PUM1: variants seen among roughly 807,000 people sequenced by gnomAD.
PUM1 encodes the protein pumilio RNA binding family member 1, also known as pumilio homolog 1.
In PUM1, 13 loss-of-function variants were observed where a neutral mutation model predicts 131.8. That is an observed-to-expected ratio of 0.10 (90% CI 0.06 to 0.16). PUM1 has a LOEUF of 0.16. Ranked by LOEUF, PUM1 falls within the 10% of genes least tolerant of loss-of-function variation. PUM1 has a pLI of 1.00. For missense variants in PUM1, 961 were observed against 1,512.4 expected (o/e 0.64, Z 6.05); for synonymous variants, 509 against 556.5 (o/e 0.91, Z 1.20).
chr1:30,941,740 T>C (rs954044139), intron 19 of PUM1, among the ~76,000 whole-genome samples: 2 of 152,182 alleles, frequency 1.3e-5, no homozygotes, highest in African/African-American at 4.8e-5. Context: ...AGGGATTAAA[T>C]GTCTACCTAA....
rs553114355 is a variant in PUM1, at chr1:31,065,538, A to G, written c.-12+78T>C. The G allele has an allele frequency of 3.6e-4, 538 of 1,509,990 alleles. 5 individuals carry two copies. In the South Asian group the frequency reaches 3.9e-3, roughly 11 times the overall value. 93.5% of individuals were successfully genotyped at this position (1,509,990 alleles called of 1,614,324 possible). A position where few individuals can be genotyped will look rare whatever the true frequency, so the allele number is the denominator to read the frequency against. ...CCTTCTCACCCCCACAACCACTCTCAAACACCAATATGAAGGGACAATCTG... is the reference window on the plus strand; with the variant it reads ...CCTTCTCACCCCCACAACCACTCTCGAACACCAATATGAAGGGACAATCTG... On this transcript the variant is annotated intron_variant, in intron 1 of 21. Coordinates refer to ENST00000426105, the MANE Select transcript of PUM1 (RefSeq NM_001020658.2).
intron 2 of PUM1, among the ~76,000 whole-genome samples, chr1:31,048,472 TA>T (rs1214695692): frequency 1.3e-5 from 2 of 151,056 alleles, no homozygotes; most frequent in East Asian, 2.0e-4. Context: ...TTTTTATTTT[TA>T]TTTTTTTTAT....
rs1639002335 is a variant in PUM1, at chr1:30,932,533, GA to G, written c.*677del. The stretch of plus-strand genomic sequence containing the variant: ...CTGGGTGCTCGCATCTCCTCCTCAC[GA>G]ACAGCCTTCTTCAGCATAATATAGT... On this transcript the variant is annotated 3_prime_UTR_variant, in exon 22 of 22. Coordinates refer to ENST00000426105, the MANE Select transcript of PUM1 (RefSeq NM_001020658.2). The G allele has an allele frequency of 6.6e-6, 1 of 151,140 alleles. No homozygotes were observed. Among genetic ancestry groups the G allele is most frequent in the Admixed American group, 6.6e-5 (1 of 15,140 alleles). 9.4% of individuals were successfully genotyped at this position (151,140 alleles called of 1,614,324 possible). A position where few individuals can be genotyped will look rare whatever the true frequency, so the allele number is the denominator to read the frequency against.
chr1:30,967,221 C>A lies in PUM1; in HGVS notation c.1735G>T (p.Val579Phe). The A allele has an allele frequency of 6.2e-7, 1 of 1,614,116 alleles. No individual in the cohort carries two copies. The highest frequency in any genetic ancestry group is 8.5e-7 in the Non-Finnish European group (1 of 1,180,002). ...AGARNGLGAP[V>F]RLVAPAPVII... is the part of the protein sequence containing the mutation. ...ACTGGGGCAGGAGCTACAAGTCGAA[C>A]AGGAGCTCCAAGACCATTTCTCGCG... The change falls in exon 12 of 22, where the codon GTT (valine) becomes TTT (phenylalanine). Residue 579 changes from valine (V) to phenylalanine (F), a missense_variant. Physicochemically the swap from Val to Phe is conservative, Grantham distance 50. Coordinates refer to ENST00000426105, the MANE Select transcript of PUM1 (RefSeq NM_001020658.2).
intron 14 of PUM1, among the ~76,000 whole-genome samples, chr1:30,961,315 C>T (rs1394002365): frequency 6.6e-6 from 1 of 150,414 alleles, no homozygotes; most frequent in Non-Finnish European, 1.5e-5. Flanking sequence ...TTCGAGACCA[C>T]CCTGACCAAC....
At chr1:30,935,200 C>A (rs961698864) in intron 21 of PUM1, among the ~76,000 whole-genome samples, 2 of 152,190 alleles carry the variant, frequency 1.3e-5, no homozygotes, top group Non-Finnish European at 2.9e-5. Context: ...TTTGTCACCA[C>A]ACTCCTCCTC....
chr1:31,059,476 T>C lies in PUM1; in HGVS notation c.91A>G (p.Asn31Asp). The C allele has an allele frequency of 6.2e-7, 1 of 1,614,226 alleles. No individual in the cohort carries two copies. The highest frequency in any genetic ancestry group is 8.5e-7 in the Non-Finnish European group (1 of 1,180,036). The change falls in exon 2 of 22, where the codon AAT becomes GAT. Residue 31 changes from asparagine to aspartate, a missense_variant. By Grantham distance (23) the Asn-to-Asp change is conservative. Around this residue, in one of 4 missense-constraint regions of PUM1, gnomAD observed 654 missense variants for 923.9 expected, o/e 0.71. Coordinates refer to ENST00000426105, the MANE Select transcript of PUM1 (RefSeq NM_001020658.2). ...GTCAAAACAACAGGCATGTTGGGAT[T>C]AGCTGGTTCTTGAGGGTGATGTTTC... ...HLKHHPQEPA[N>D]PNMPVVLTSG...
intron 14 of PUM1, among the ~76,000 whole-genome samples, chr1:30,959,764 G>A (rs1019807001): frequency 3.0e-4 from 45 of 151,994 alleles, no homozygotes; most frequent in African/African-American, 1.0e-3. Flanking sequence ...AAAATTAGCC[G>A]GGCGTGGTGG....
At chr1:30,936,204 A>T (rs929102964) in intron 21 of PUM1, among the ~76,000 whole-genome samples, 8 of 151,248 alleles carry the variant, frequency 5.3e-5, no homozygotes, top group African/African-American at 1.9e-4. Context: ...GGCAGGGATC[A>T]GGTGTTAGTC....
intron 7 of PUM1, 88 bp downstream of exon 7, chr1:30,992,302 C>A (rs772591931): frequency 2.2e-5 from 34 of 1,520,486 alleles, no homozygotes; most frequent in Non-Finnish European, 2.8e-5. Flanking sequence ...ACAATGCCAC[C>A]ACCTCCCCCA....
At chr1:31,012,735 A>G (rs577624610) in intron 3 of PUM1, among the ~76,000 whole-genome samples, 222 of 152,224 alleles carry the variant, frequency 1.5e-3, no homozygotes, top group Non-Finnish European at 2.0e-3. Context: ...AACCACACTT[A>G]ACACTTAACA....
At position 30,933,317 on chromosome 1, in the gene PUM1, C is replaced by T; in HGVS notation, c.3461G>A (p.Arg1154His). The stretch of plus-strand genomic sequence containing the variant: ...AATGTGCTTGCCATAGGTGTACTTA[C>T]GAAGAGTTGCGATGTGGGGCCGGAT... ...HKIRPHIATL[R>H]KYTYGKHILA... is the part of the protein sequence containing the mutation. The change falls in exon 22 of 22, where the codon CGT becomes CAT. Residue 1154 changes from arginine to histidine, a missense_variant. By Grantham distance (29) the Arg-to-His change is conservative. Coordinates refer to ENST00000426105, the MANE Select transcript of PUM1 (RefSeq NM_001020658.2). 1.2e-6 allele frequency: 2 copies of T among 1,613,754 alleles called. No homozygotes were observed. Among genetic ancestry groups the T allele is most frequent in the Non-Finnish European group, 1.7e-6 (2 of 1,179,796 alleles).
At chr1:31,044,004 T>C (rs997657952) in intron 2 of PUM1, among the ~76,000 whole-genome samples, 3 of 152,076 alleles carry the variant, frequency 2.0e-5, no homozygotes, top group Non-Finnish European at 4.4e-5. Flanking sequence ...CAAATGTTCA[T>C]AGCAGCATTA....
intron 3 of PUM1, among the ~76,000 whole-genome samples, chr1:31,024,700 C>A (rs1643160888): frequency 6.6e-6 from 1 of 152,178 alleles, no homozygotes; most frequent in Non-Finnish European, 1.5e-5. Context: ...AGTTAAAAAA[C>A]CAATTATGCG....
At chr1:30,984,879 G>A (rs1420346061) in intron 7 of PUM1, among the ~76,000 whole-genome samples, 2 of 151,986 alleles carry the variant, frequency 1.3e-5, no homozygotes, top group Non-Finnish European at 2.9e-5. Flanking sequence ...GAGGAGTAAT[G>A]TCTAAATAAG....
chr1:31,011,164 T>TACACACACACACAC lies in PUM1; in HGVS notation c.433-4076_433-4063dup, dbSNP rs138764103. ...CAGAGTGAGACCCTATCTCTTAAAA[T>TACACACACACACAC]ACACACACACACACACACACACACA... On this transcript the variant is annotated intron_variant, in intron 3 of 21. Transcript: ENST00000426105. Among the ~76,000 whole-genome samples, 1,328 of 143,056 alleles carry TACACACACACACAC rather than the reference T, an allele frequency of 9.3e-3. 11 individuals are homozygous for TACACACACACACAC. The highest frequency in any genetic ancestry group is 0.012 in the Non-Finnish European group (774 of 65,796). The allele number at this position is 143,056 out of a possible 152,430, so 93.9% of individuals were successfully genotyped here.
intron 2 of PUM1, among the ~76,000 whole-genome samples, chr1:31,048,007 G>A (rs926523283): frequency 3.9e-4 from 60 of 152,030 alleles, no homozygotes; most frequent in African/African-American, 1.2e-3. Flanking sequence ...TTGGGAGGCC[G>A]AGGCGGGTGG....
At chr1:31,036,074 CAA>C (rs1285982291) in intron 2 of PUM1, among the ~76,000 whole-genome samples, 3 of 151,680 alleles carry the variant, frequency 2.0e-5, no homozygotes, top group Admixed American at 1.3e-4. Flanking sequence ...AATTCAAACT[CAA>C]GTTTGTTTTT....
At chr1:31,008,981 G>T (rs558496537) in intron 3 of PUM1, among the ~76,000 whole-genome samples, 1 of 150,612 alleles carries the variant, frequency 6.6e-6, no homozygotes, top group South Asian at 2.1e-4. Context: ...AGACCATCCT[G>T]GCTAACACAG....
Sources: gnomAD v4.1 joint callset for allele counts (sites outside exome capture counted in the v4.1 genomes callset) on GRCh38, gnomAD v4.1.1 for gene constraint, gnomAD v4.1.1 regional missense constraint, MANE v1.5 for transcripts, NCBI Gene and HGNC (gene_info 2026-07-23, HGNC 2026-07-21) for gene names.